The following RC3H1 variants were observed in gnomAD, a reference collection of about 807,000 sequenced individuals.
RC3H1 encodes the protein ring finger and CCCH-type domains 1.
RC3H1 carries 50 observed loss-of-function variants against 138.2 expected under a neutral mutation model. That is an observed-to-expected ratio of 0.36 (90% CI 0.29 to 0.46). The LOEUF is 0.46. Among genes scored for constraint, RC3H1 ranks in the 20% least tolerant of loss-of-function variants. The pLI, the probability that RC3H1 is intolerant of heterozygous loss-of-function variation, is 1.00. For synonymous variants in RC3H1, 462 were observed against 489.1 expected (o/e 0.94, Z 0.73); for missense variants, 1,031 against 1,388.1 (o/e 0.74, Z 4.09).
At chr1:174,020,081 C>T (rs12565973) in intron 1 of RC3H1, among the ~76,000 whole-genome samples, 14,059 of 148,870 alleles carry the variant, frequency 0.094, 872 homozygotes, top group East Asian at 0.22. Flanking sequence ...ATTTAAGTAT[C>T]ATTATAACAC....
rs752674210 is a variant in RC3H1 at position 173,947,473 on chromosome 1, C to T, written c.2633G>A (p.Arg878Gln). 3 of 1,614,002 alleles carry T rather than the reference C, an allele frequency of 1.9e-6. No homozygotes were observed. Among genetic ancestry groups the T allele is most frequent in the Admixed American group, 1.7e-5 (1 of 60,002 alleles). ...GGAAGTTCGTGAGATGGCACCAAACCGAGACACTGTTGGTCGGTCTCCAAA... is the reference window on the plus strand; with the variant it reads ...GGAAGTTCGTGAGATGGCACCAAACTGAGACACTGTTGGTCGGTCTCCAAA... ...IPFGDRPTVSRFGAISRTSKT... is the reference protein window; with the variant it reads ...IPFGDRPTVSQFGAISRTSKT... Residue 878 changes from arginine to glutamine, a missense_variant, in exon 15 of 20, where the codon CGG becomes CAG. Around this residue, in one of 7 missense-constraint regions of RC3H1, gnomAD observed 716 missense variants for 837.9 expected, o/e 0.85. Coordinates refer to ENST00000367696, the MANE Select transcript of RC3H1 (RefSeq NM_172071.4).
Position 173,937,195 on chromosome 1 carries a change from C to T in RC3H1, c.*1526G>A, listed in dbSNP as rs545470983. 6.6e-6 allele frequency: 1 copy of T among 152,142 alleles called. No homozygotes were observed. Among genetic ancestry groups the T allele is most frequent in the East Asian group, 1.9e-4 (1 of 5,150 alleles). 9.4% of individuals were successfully genotyped at this position (152,142 alleles called of 1,614,324 possible). ...TGTATTACCCTTCCCACCCCCACCA[C>T]CCATTTGTTTAAGTTAACAGTATGA... is the stretch of plus-strand genomic sequence containing the variant. On this transcript the variant is annotated 3_prime_UTR_variant, in exon 20 of 20. Transcript: ENST00000367696.
At chr1:173,984,017 A>G (rs1016188642) in intron 3 of RC3H1, among the ~76,000 whole-genome samples, 4 of 152,176 alleles carry the variant, frequency 2.6e-5, no homozygotes, top group Non-Finnish European at 5.9e-5. Context: ...ACAGTGGTTA[A>G]CCTTATTTTC....
At position 173,980,818 on chromosome 1, in the gene RC3H1, A is replaced by C; in HGVS notation, c.960T>G (p.Ile320Met). The C allele has an allele frequency of 6.2e-7, 1 of 1,613,482 alleles. No homozygotes were observed. The highest frequency in any genetic ancestry group is 8.5e-7 in the Non-Finnish European group (1 of 1,179,426). Residue 320 changes from isoleucine to methionine, a missense_variant, in exon 6 of 20, where the codon ATT becomes ATG. Physicochemically the swap from Ile to Met is conservative, Grantham distance 10. Transcript: ENST00000367696. ...DQSHKSHMQS[I>M]IDKLQTPASF... Reference sequence around the variant, plus strand: ...ACAAAAAAGGTCCTACCTTGTCAATAATGGACTGCATATGAGATTTGTGAG... The same window carrying C: ...ACAAAAAAGGTCCTACCTTGTCAATCATGGACTGCATATGAGATTTGTGAG...
At position 174,020,441 on chromosome 1, in the gene RC3H1, A is replaced by G. The variant is rs146270021; in HGVS notation, c.-151+1655T>C. Among the ~76,000 whole-genome samples the G allele has an allele frequency of 9.7e-4, 147 of 152,302 alleles. 1 individual carries two copies. Among genetic ancestry groups the G allele is most frequent in the African/African-American group, 3.4e-3 (140 of 41,552 alleles). On this transcript the variant is annotated intron_variant, in intron 1 of 19. Transcript: ENST00000367696. Reference sequence around the variant, plus strand: ...ACTAGTGCTGCTTATAATGTTTTTAATTAGAACAGACTTGGACCAATTCTA... The same window carrying G: ...ACTAGTGCTGCTTATAATGTTTTTAGTTAGAACAGACTTGGACCAATTCTA...
At position 173,936,775 on chromosome 1, in the gene RC3H1, TTTTA is replaced by T. The variant is rs1331516225; in HGVS notation, c.*1942_*1945del. ...TATATATATATATTTTTTTTTTTTT[TTTTA>T]AAAAAAGAAGACAAATGTATAAGAA... On this transcript the variant is annotated 3_prime_UTR_variant, in exon 20 of 20. Transcript: ENST00000367696. 7 of 122,012 alleles carry T rather than the reference TTTTA, an allele frequency of 5.7e-5. No individual in the cohort carries two copies. Among genetic ancestry groups the T allele is most frequent in the African/African-American group, 1.7e-4 (5 of 28,850 alleles). 7.6% of individuals were successfully genotyped at this position (122,012 alleles called of 1,614,324 possible). A position where few individuals can be genotyped will look rare whatever the true frequency, so the allele number is the denominator to read the frequency against.
intron 1 of RC3H1, among the ~76,000 whole-genome samples, chr1:173,998,767 C>T (rs547266648): frequency 2.6e-5 from 4 of 151,868 alleles, no homozygotes; most frequent in Non-Finnish European, 5.9e-5. Flanking sequence ...TTTTTCTTAA[C>T]AAAGAAATAA....
At chr1:173,994,838 C>G (rs555506382) in intron 1 of RC3H1, among the ~76,000 whole-genome samples, 2 of 150,792 alleles carry the variant, frequency 1.3e-5, no homozygotes, top group Non-Finnish European at 3.0e-5. Flanking sequence ...TTATTCCATT[C>G]CCAGGAAAAA....
At chr1:173,964,513 A>G (rs1316788508) in intron 10 of RC3H1, among the ~76,000 whole-genome samples, 1 of 152,048 alleles carries the variant, frequency 6.6e-6, no homozygotes, top group Non-Finnish European at 1.5e-5. Context: ...GATTACAGGC[A>G]TGTGCCACCA....
chr1:173,955,610 C>T (rs1013270610), intron 13 of RC3H1, among the ~76,000 whole-genome samples: 3 of 151,862 alleles, frequency 2.0e-5, no homozygotes, highest in Admixed American at 6.6e-5. Context: ...TGAGCCACCG[C>T]GCCCGGCCAA....
rs1056343005 is a variant in RC3H1 at position 173,987,217 on chromosome 1, G to A, written c.232-2598C>T. Among the ~76,000 whole-genome samples the A allele has an allele frequency of 5.9e-5, 9 of 152,144 alleles. 1 individual carries two copies. Among genetic ancestry groups the A allele is most frequent in the Admixed American group, 2.0e-4 (3 of 15,276 alleles). Reference sequence around the variant, plus strand: ...TACTTTTTGGAAGGAGTCACTATGCGTAGCCCACACACATTCTACATCCTT... The same window carrying A: ...TACTTTTTGGAAGGAGTCACTATGCATAGCCCACACACATTCTACATCCTT... On this transcript the variant is annotated intron_variant, in intron 2 of 19. Transcript: ENST00000367696.
rs539375120 is a variant in RC3H1, at chr1:173,985,864, A to G, written c.232-1245T>C. 1.8e-4 allele frequency among the ~76,000 whole-genome samples: 27 copies of G among 152,226 alleles called. 1 individual carries two copies. The highest frequency in any genetic ancestry group is 6.3e-4 in the African/African-American group (26 of 41,536). On this transcript the variant is annotated intron_variant, in intron 2 of 19. Coordinates refer to ENST00000367696, the MANE Select transcript of RC3H1 (RefSeq NM_172071.4). ...ATGTTGACCATCCTTTCATATGCTT[A>G]TTATCCATTTGTATATCTTCTCTGG... is the stretch of plus-strand genomic sequence containing the variant.
At chr1:173,952,331 A>T (rs1659441438) in intron 13 of RC3H1, among the ~76,000 whole-genome samples, 193 bp from the exon 14 acceptor site, 1 of 150,514 alleles carries the variant, frequency 6.6e-6, no homozygotes, top group Non-Finnish European at 1.5e-5. Context: ...GAAAAATATA[A>T]AATAAGTGAA....
Position 173,961,060 on chromosome 1 carries a change from A to G in RC3H1, c.2370+17T>C. The G allele has an allele frequency of 6.2e-7, 1 of 1,610,592 alleles. No individual in the cohort carries two copies. The highest frequency in any genetic ancestry group is 1.1e-5 in the South Asian group (1 of 90,714). On this transcript the variant is annotated intron_variant, in intron 13 of 19. Coordinates refer to ENST00000367696, the MANE Select transcript of RC3H1 (RefSeq NM_172071.4). ...CAAAAAAACACGGATAAATGAGACT[A>G]AAAATGATTTGCTTACTTCTTCCGG...
At chr1:173,959,789 C>T (rs1659791195) in intron 13 of RC3H1, among the ~76,000 whole-genome samples, 1 of 151,192 alleles carries the variant, frequency 6.6e-6, no homozygotes, top group African/African-American at 2.4e-5. Context: ...AAAGCTGTCA[C>T]TTCTCATCAT....
intron 7 of RC3H1, among the ~76,000 whole-genome samples, chr1:173,977,278 T>C (rs1248918667): frequency 2.6e-5 from 4 of 152,272 alleles, no homozygotes; most frequent in South Asian, 4.1e-4. Context: ...GAACTCATAG[T>C]AGAGGAACTT....
chr1:173,960,440 T>C (rs1348620185), intron 13 of RC3H1, among the ~76,000 whole-genome samples: 1 of 152,210 alleles, frequency 6.6e-6, no homozygotes, highest in South Asian at 2.1e-4. Flanking sequence ...ATCAAAAATA[T>C]TAATGAATTT....
intron 18 of RC3H1, among the ~76,000 whole-genome samples, chr1:173,941,836 G>A (rs1218980780): frequency 6.6e-6 from 1 of 151,748 alleles, no homozygotes; most frequent in Admixed American, 6.6e-5. Flanking sequence ...AGAGGCTGAG[G>A]GGGAGAATCA....
At chr1:173,940,456 A>T (rs1321403782) in intron 19 of RC3H1, among the ~76,000 whole-genome samples, 1 of 152,040 alleles carries the variant, frequency 6.6e-6, no homozygotes, top group Non-Finnish European at 1.5e-5. Flanking sequence ...GGGCAACAAG[A>T]GTGAAGCTCC....
Sources: gnomAD v4.1 joint callset for allele counts (sites outside exome capture counted in the v4.1 genomes callset) on GRCh38, gnomAD v4.1.1 for gene constraint, gnomAD v4.1.1 regional missense constraint, MANE v1.5 for transcripts, NCBI Gene and HGNC (gene_info 2026-07-23, HGNC 2026-07-21) for gene names.